ZNF91: variants seen among roughly 807,000 people sequenced by gnomAD.
The protein encoded by ZNF91 is zinc finger protein 91 (HPF7, HTF10).
A neutral mutation model predicts 12.6 loss-of-function variants in ZNF91; 7 were observed. That is an observed-to-expected ratio of 0.55 (90% confidence interval 0.31 to 1.04). The LOEUF is 1.04. Among genes scored for constraint, ZNF91 ranks in the 50% least tolerant of loss-of-function variants. The pLI, the probability that ZNF91 is intolerant of heterozygous loss-of-function variation, is 0.05. For missense variants in ZNF91, 1,217 were observed against 1,385.4 expected, an observed-to-expected ratio of 0.88 and a Z score of 1.93; for synonymous variants, 453 against 462.6, an observed-to-expected ratio of 0.98 and a Z score of 0.27.
intron 1 of ZNF91, among the ~76,000 whole-genome samples, chr19:23,393,363 T>C (rs1239151268): frequency 6.6e-6 from 1 of 152,174 alleles, no homozygotes; most frequent in African/African-American, 2.4e-5. Context: ...CCTCAGGTTG[T>C]CCTATGAGAG....
At chr19:23,390,402 T>C (rs1211336006) in intron 1 of ZNF91, among the ~76,000 whole-genome samples, 3 of 152,172 alleles carry the variant, frequency 2.0e-5, no homozygotes, top group Non-Finnish European at 4.4e-5. Flanking sequence ...ATGAAGCACA[T>C]AGATGATAAA....
At chr19:23,395,289 T>C in intron 1 of ZNF91, 36 bp downstream of exon 1, 1 of 1,610,884 alleles carries the variant, frequency 6.2e-7, no homozygotes, top group South Asian at 1.1e-5. Context: ...ACGAGCCCCG[T>C]TCCCTCTCTC....
chr19:23,323,911 CCTTT>C (rs140618693), intron 1 of ZNF91: 11,701 of 142,954 alleles, frequency 0.082, 694 homozygotes, highest in Non-Finnish European at 0.13. Context: ...TTTCTCCACT[CCTTT>C]CTTTTCTCCT....
In ZNF91 at chr19:23,387,179, A is replaced by T. The variant is rs192943080; in HGVS notation, c.30+8146T>A. 8.5e-5 allele frequency among the ~76,000 whole-genome samples: 13 copies of T among 152,392 alleles called. No homozygotes were observed. The East Asian group carries it at 1.2e-3, about 14-fold the overall frequency. On this transcript the variant is annotated intron_variant, in intron 1 of 3. Transcript: ENST00000300619. The stretch of plus-strand genomic sequence containing the variant: ...AGGTTTCAGAGAAAAGGGAATACTT[A>T]TACATTGCTGTTAACAGTGTACATT...
downstream of ZNF91, among the ~76,000 whole-genome samples, chr19:23,334,634 A>C (rs1311853348): frequency 2.0e-5 from 3 of 152,222 alleles, no homozygotes; most frequent in South Asian, 6.2e-4. Context: ...TGTATTTACT[A>C]ATTGGTACTT....
chr19:23,391,365 A>G (rs1356541239), intron 1 of ZNF91, among the ~76,000 whole-genome samples: 1 of 151,902 alleles, frequency 6.6e-6, no homozygotes, highest in Non-Finnish European at 1.5e-5. Flanking sequence ...CCACCATACA[A>G]CCCCATTTTA....
At chr19:23,368,509 CATCTCTCTCTCTCTCTCTCTCTCT>C (rs1969110227) in intron 3 of ZNF91, among the ~76,000 whole-genome samples, 1 of 88,110 alleles carries the variant, frequency 1.1e-5, no homozygotes, top group African/African-American at 4.2e-5. Context: ...AGCGAAACTC[CATCTCTCTCTCTCTCTCTCTCTCT>C]CTCTCTCTCT....
chr19:23,360,708 A>G lies in ZNF91; in HGVS notation c.2271T>C (p.Leu757=). The G allele has an allele frequency of 6.2e-7, 1 of 1,613,932 alleles. No individual in the cohort carries two copies. The highest frequency in any genetic ancestry group is 8.5e-7 in the Non-Finnish European group (1 of 1,179,914). The change falls in exon 4 of 4, where the codon CTT becomes CTC. Residue 757 remains leucine, a synonymous_variant. Coordinates refer to ENST00000300619, the MANE Select transcript of ZNF91 (RefSeq NM_003430.4). ...TAGTATGAATTCTTTTATGTTTAGT[A>G]AGGCTTGAGGACCAGTTAAATGCTT... ...CGKAFNWSSS[L]TKHKRIHTRE...
chr19:23,355,029 T>C (rs10401440), downstream of ZNF91, among the ~76,000 whole-genome samples: 3,632 of 152,196 alleles, frequency 0.024, 132 homozygotes, highest in African/African-American at 0.082. Flanking sequence ...AAAATGACCA[T>C]ACTGCCAAAA....
intron 3 of ZNF91, among the ~76,000 whole-genome samples, 172 bp downstream of exon 3, chr19:23,373,570 T>G (rs1291292286): frequency 1.3e-5 from 2 of 151,840 alleles, no homozygotes; most frequent in Non-Finnish European, 2.9e-5. Flanking sequence ...GTAGAATTCT[T>G]AGAGATTTTA....
intron 3 of ZNF91, among the ~76,000 whole-genome samples, chr19:23,347,116 C>CA (rs1250944329): frequency 2.0e-5 from 3 of 151,928 alleles, no homozygotes; most frequent in Non-Finnish European, 4.4e-5. Flanking sequence ...TAGTGTCACC[C>CA]CCCCTACACA....
intron 3 of ZNF91, among the ~76,000 whole-genome samples, chr19:23,367,736 T>C (rs1599733270): frequency 6.6e-6 from 1 of 152,314 alleles, no homozygotes; most frequent in East Asian, 1.9e-4. Flanking sequence ...CCCTTCTGTA[T>C]ATGGCCAAAT....
chr19:23,374,541 C>G, intron 2 of ZNF91, 97 bp downstream of exon 2: 2 of 1,218,000 alleles, frequency 1.6e-6, no homozygotes, highest in Admixed American at 3.2e-5. Context: ...GTCTGGGCAA[C>G]AGAGCAAGAC....
chr19:23,389,031 A>T (rs911191870), intron 1 of ZNF91, among the ~76,000 whole-genome samples: 2 of 152,186 alleles, frequency 1.3e-5, no homozygotes, highest in African/African-American at 2.4e-5. Flanking sequence ...CAGGGTCAGA[A>T]AAAATACCTC....
chr19:23,324,535 G>GTATGTATACA (rs1285959837), intron 1 of ZNF91: 2 of 150,030 alleles, frequency 1.3e-5, no homozygotes, highest in Non-Finnish European at 3.0e-5. Context: ...ATATATATAC[G>GTATGTATACA]TATATACATA....
intron 1 of ZNF91, chr19:23,327,691 AAT>A (rs1409989352): frequency 1.3e-5 from 2 of 152,196 alleles, no homozygotes; most frequent in Non-Finnish European, 2.9e-5. Context: ...TGATACAGAA[AAT>A]AGATTTTTTT....
At chr19:23,385,026 C>T (rs2145127599) in intron 1 of ZNF91, 2 of 1,224,374 alleles carry the variant, frequency 1.6e-6, no homozygotes, top group East Asian at 2.3e-5. Context: ...GGACAGTCCA[C>T]CAGGGAGACA....
intron 1 of ZNF91, among the ~76,000 whole-genome samples, chr19:23,392,040 GTATT>G (rs901383266): frequency 6.6e-6 from 1 of 152,144 alleles, no homozygotes; most frequent in African/African-American, 2.4e-5. Context: ...AAAAGCAAAA[GTATT>G]TATTCCTTTC....
chr19:23,379,744 G>T (rs1599749445), intron 1 of ZNF91, among the ~76,000 whole-genome samples: 1 of 151,200 alleles, frequency 6.6e-6, no homozygotes, highest in Non-Finnish European at 1.5e-5. Context: ...GTTGAATAGG[G>T]TGCTATCTTT....
Sources: allele counts gnomAD v4.1 joint callset (sites outside exome capture counted in the v4.1 genomes callset), GRCh38; gene constraint gnomAD v4.1.1; transcripts MANE v1.5; gene names NCBI Gene and HGNC (gene_info 2026-07-23, HGNC 2026-07-21).